The following KAZN variants were observed in gnomAD, a reference collection of about 807,000 sequenced individuals.
KAZN encodes the protein kazrin, periplakin interacting protein.
Under a neutral mutation model 87.4 loss-of-function variants are expected in KAZN, and 40 were observed. That is an observed-to-expected ratio of 0.46 (90% CI 0.36 to 0.60). The LOEUF is 0.60. KAZN is among the 20% of genes least tolerant of loss of function. KAZN has a pLI of 0.00. For synonymous variants in KAZN, 466 were observed against 458.3 expected, an observed-to-expected ratio of 1.02 and a Z score of -0.22; for missense variants, 898 against 1,073.9, an observed-to-expected ratio of 0.84 and a Z score of 2.29.
intron 1 of KAZN, among the ~76,000 whole-genome samples, chr1:14,619,824 A>T (rs567462797): frequency 1.3e-5 from 2 of 152,224 alleles, no homozygotes; most frequent in African/African-American, 4.8e-5. Flanking sequence ...TTCACTTAGC[A>T]TGATGATTTT....
intron 1 of KAZN, among the ~76,000 whole-genome samples, chr1:14,918,501 C>T (rs1658059565): frequency 1.3e-5 from 2 of 151,456 alleles, no homozygotes; most frequent in Non-Finnish European, 2.9e-5. Flanking sequence ...TATGGTGAAA[C>T]CCCATCTCTA....
At chr1:14,716,007 A>T (rs1433596093) in intron 1 of KAZN, among the ~76,000 whole-genome samples, 1 of 152,188 alleles carries the variant, frequency 6.6e-6, no homozygotes, top group African/African-American at 2.4e-5. Flanking sequence ...AAAGGAAGTG[A>T]CATTTCCCTT....
chr1:14,123,212 A>T (rs1230905469), intron 1 of KAZN, among the ~76,000 whole-genome samples: 2 of 152,134 alleles, frequency 1.3e-5, no homozygotes, highest in Non-Finnish European at 2.9e-5. Flanking sequence ...ACTTTTCTGC[A>T]TTCTACCTGC....
intron 1 of KAZN, among the ~76,000 whole-genome samples, chr1:14,025,916 T>A (rs901728111): frequency 1.1e-4 from 17 of 152,146 alleles, no homozygotes; most frequent in South Asian, 6.2e-4. Context: ...TATAGACTCT[T>A]CAACTGGATG....
At position 15,101,720 on chromosome 1, in the gene KAZN, G is replaced by A. The variant is rs1181111511; in HGVS notation, c.1725G>A (p.Gln575=). The change falls in exon 11 of 15, where the codon CAG becomes CAA. Residue 575 remains glutamine (Q), a synonymous_variant. Coordinates refer to ENST00000376030, the MANE Select transcript of KAZN (RefSeq NM_201628.3). The part of the protein sequence containing the change: ...KHLNVSKKFH[Q]VSILLGIELL... ...TGAACGTGTCCAAGAAGTTCCACCA[G>A]GTCAGCATCCTGCTGGGGATCGAGC... 2 of 1,594,570 alleles carry A rather than the reference G, an allele frequency of 1.3e-6. No homozygotes were observed. The highest frequency in any genetic ancestry group is 2.3e-5 in the East Asian group (1 of 43,952).
chr1:15,013,368 AGAT>A (rs1358188098), intron 2 of KAZN, among the ~76,000 whole-genome samples: 5 of 152,220 alleles, frequency 3.3e-5, no homozygotes, highest in African/African-American at 1.2e-4. Flanking sequence ...AATGCAAAAC[AGAT>A]GATGTCAGAT....
At chr1:14,154,066 T>G (rs56155222) in intron 1 of KAZN, among the ~76,000 whole-genome samples, 8,128 of 152,286 alleles carry the variant, frequency 0.053, 303 homozygotes, top group Non-Finnish European at 0.084. Flanking sequence ...TGATAGGGAT[T>G]GCATTGACCT....
In KAZN at chr1:14,605,711, G is replaced by A. The variant is rs114511339; in HGVS notation, c.226+6488G>A. On this transcript the variant is annotated intron_variant, in intron 1 of 14. Coordinates refer to ENST00000376030, the MANE Select transcript of KAZN (RefSeq NM_201628.3). ...AGGAGGAAGAGGAAGGGTTGGTCTC[G>A]CTGTCTCAGGGGTGCCAGAGGTGGA... Among the ~76,000 whole-genome samples, 573 of 152,254 alleles carry A rather than the reference G, an allele frequency of 3.8e-3. 5 individuals carry two copies. Among genetic ancestry groups the A allele is most frequent in the African/African-American group, 0.013 (548 of 41,542 alleles).
chr1:14,514,595 T>TTATATATATATATATATATA (rs754845099), intron 2 of KAZN, among the ~76,000 whole-genome samples: 1 of 66,530 alleles, frequency 1.5e-5, no homozygotes, highest in Non-Finnish European at 2.4e-5. Context: ...TTTTTATATT[T>TTATATATATATATATATATA]TATATATATA....
intron 4 of KAZN, among the ~76,000 whole-genome samples, chr1:15,049,620 T>G (rs1025830506): frequency 3.9e-5 from 6 of 152,254 alleles, no homozygotes; most frequent in Non-Finnish European, 8.8e-5. Flanking sequence ...TGTCTGGGCC[T>G]GGGCTGTTTG....
intron 1 of KAZN, among the ~76,000 whole-genome samples, chr1:14,606,520 CTTCGTGTGTT>C (rs1402436596): frequency 6.6e-6 from 1 of 152,108 alleles, no homozygotes; most frequent in Non-Finnish European, 1.5e-5. Flanking sequence ...ATTTCTTGGA[CTTCGTGTGTT>C]TCATCTCTCT....
At chr1:14,608,979 C>T (rs551138183) in intron 1 of KAZN, among the ~76,000 whole-genome samples, 4 of 152,178 alleles carry the variant, frequency 2.6e-5, no homozygotes, top group African/African-American at 7.2e-5. Context: ...GGCAAGAATA[C>T]GCTCACCGTT....
Position 14,880,465 on chromosome 1 carries a change from C to A in KAZN, c.227-80219C>A, listed in dbSNP as rs150511698. ...ACTGAGTATAAAACACTAATTTGAA[C>A]ATGCTCATGGGTTTTGTGGGTCAGG... On this transcript the variant is annotated intron_variant, in intron 1 of 14. Coordinates refer to ENST00000376030, the MANE Select transcript of KAZN (RefSeq NM_201628.3). Among the ~76,000 whole-genome samples, 136 of 152,272 alleles carry A rather than the reference C, an allele frequency of 8.9e-4. 1 individual carries two copies. The highest frequency in any genetic ancestry group is 2.6e-3 in the African/African-American group (109 of 41,560).
At chr1:15,032,155 A>T (rs1671778386) in intron 2 of KAZN, among the ~76,000 whole-genome samples, 1 of 146,178 alleles carries the variant, frequency 6.8e-6, no homozygotes, top group Admixed American at 6.8e-5. Flanking sequence ...TTCTGTCTCT[A>T]TAGATTTTCC....
intron 1 of KAZN, among the ~76,000 whole-genome samples, chr1:14,777,069 C>T (rs917559008): frequency 1.3e-5 from 2 of 152,170 alleles, no homozygotes; most frequent in Admixed American, 1.3e-4. Flanking sequence ...AGCGCAATCT[C>T]GGCTCACTGC....
At chr1:13,920,976 G>T (rs902449133) in intron 1 of KAZN, among the ~76,000 whole-genome samples, 1 of 152,104 alleles carries the variant, frequency 6.6e-6, no homozygotes, top group African/African-American at 2.4e-5. Context: ...TGTGCACATA[G>T]CATCTGGAAA....
intron 1 of KAZN, among the ~76,000 whole-genome samples, chr1:14,084,820 G>T (rs1393524583): frequency 6.6e-6 from 1 of 151,986 alleles, no homozygotes; most frequent in Admixed American, 6.6e-5. Context: ...CATGGCACAC[G>T]TATAGATATG....
intron 1 of KAZN, among the ~76,000 whole-genome samples, chr1:13,904,486 T>C (rs1639365072): frequency 6.6e-6 from 1 of 152,190 alleles, no homozygotes; most frequent in Non-Finnish European, 1.5e-5. Flanking sequence ...CCTCCACAGC[T>C]GGGTCTCTAG....
chr1:14,180,770 A>G (rs1646180569), intron 2 of KAZN, among the ~76,000 whole-genome samples: 1 of 152,216 alleles, frequency 6.6e-6, no homozygotes, highest in Non-Finnish European at 1.5e-5. Context: ...ATTTAGTATT[A>G]AAATAGCTTT....
Sources: allele counts gnomAD v4.1 joint callset (sites outside exome capture counted in the v4.1 genomes callset), GRCh38; gene constraint gnomAD v4.1.1; transcripts MANE v1.5; gene names NCBI Gene and HGNC (gene_info 2026-07-23, HGNC 2026-07-21).